Variants in KMT5B observed in about 807,000 individuals in gnomAD.
The protein encoded by KMT5B is lysine methyltransferase 5B, also known as histone-lysine N-methyltransferase KMT5B.
KMT5B carries 10 observed loss-of-function variants against 83.2 expected under a neutral mutation model. The ratio of observed to expected loss-of-function variants is 0.12; its 90% confidence interval spans 0.07 to 0.20. The LOEUF (loss-of-function observed/expected upper bound fraction) is 0.20. KMT5B is among the 10% of genes least tolerant of loss of function. The pLI, the probability that KMT5B is intolerant of heterozygous loss-of-function variation, is 1.00. For synonymous variants in KMT5B, 349 were observed against 388.8 expected (o/e 0.90, Z 1.20); for missense variants, 753 against 1,067.2 (o/e 0.71, Z 4.10).
At chr11:68,207,140 G>C (rs1403459855) in intron 1 of KMT5B, among the ~76,000 whole-genome samples, 1 of 151,836 alleles carries the variant, frequency 6.6e-6, no homozygotes. Flanking sequence ...TGTGAACCTG[G>C]GAGGCGGAGC....
intron 1 of KMT5B, among the ~76,000 whole-genome samples, chr11:68,204,967 A>C (rs1338378627): frequency 6.6e-6 from 1 of 152,172 alleles, no homozygotes. Flanking sequence ...TACAGTGACC[A>C]CATAACAGAG....
At position 68,175,071 on chromosome 11, in the gene KMT5B, G is replaced by A. The variant is rs749226494; in HGVS notation, c.490C>T (p.Arg164Trp). The change falls in exon 5 of 11, where the codon CGG (arginine) becomes TGG (tryptophan). Residue 164 changes from arginine to tryptophan, a missense_variant. By Grantham distance (101) the Arg-to-Trp change is moderately radical (BLOSUM62 -3). This residue lies in a region of KMT5B where 71 missense variants were observed against 107.0 expected (regional missense o/e 0.66). Coordinates refer to ENST00000304363, the MANE Select transcript of KMT5B (RefSeq NM_017635.5). Reference sequence around the variant, plus strand: ...TTATTCTTGTTGAGAAAATAGTGCCGTGCCCATTCGCCTGAAGTCAAACAT... The same window carrying A: ...TTATTCTTGTTGAGAAAATAGTGCCATGCCCATTCGCCTGAAGTCAAACAT... Reference protein sequence around the residue: ...FKCLTSGEWARHYFLNKNKMQ... With the variant: ...FKCLTSGEWAWHYFLNKNKMQ... 6.2e-7 allele frequency: 1 copy of A among 1,613,718 alleles called. No individual in the cohort carries two copies. Among genetic ancestry groups the A allele is most frequent in the Non-Finnish European group, 8.5e-7 (1 of 1,179,856 alleles).
At chr11:68,208,915 C>T (rs1860515679) in intron 1 of KMT5B, among the ~76,000 whole-genome samples, 1 of 152,096 alleles carries the variant, frequency 6.6e-6, no homozygotes, top group South Asian at 2.1e-4. Flanking sequence ...TTATATGCAC[C>T]AAACAAATAT....
At position 68,156,592 on chromosome 11, in the gene KMT5B, A is replaced by T. The variant is rs1859313290; in HGVS notation, c.*1096T>A. 1 of 152,650 alleles carries T rather than the reference A, an allele frequency of 6.6e-6. No individual in the cohort carries two copies. The highest frequency in any genetic ancestry group is 2.4e-5 in the African/African-American group (1 of 41,468). The allele number at this position is 152,650 out of a possible 1,614,324, so 9.5% of individuals were successfully genotyped here. A position where few individuals can be genotyped will look rare whatever the true frequency, so the allele number is the denominator to read the frequency against. On this transcript the variant is annotated 3_prime_UTR_variant, in exon 11 of 11. Coordinates refer to ENST00000304363, the MANE Select transcript of KMT5B (RefSeq NM_017635.5). ...TATTGGCATGAATATTTCTAAACTT[A>T]AAAACCTTCCTGGTAAGTTCTTTTA...
chr11:68,178,031 A>C (rs1338371020), intron 4 of KMT5B, among the ~76,000 whole-genome samples: 1 of 152,222 alleles, frequency 6.6e-6, no homozygotes, highest in Non-Finnish European at 1.5e-5. Context: ...TGAAATATGA[A>C]ATATGAAATG....
rs1361279169 is a variant in KMT5B at position 68,157,259 on chromosome 11, G to A, written c.*429C>T. The stretch of plus-strand genomic sequence containing the variant: ...CAAAAAGCCAAAGATCATTGCTGGT[G>A]ATATTAGCATACTAGAAACCCTTAA... On this transcript the variant is annotated 3_prime_UTR_variant, in exon 11 of 11. Transcript: ENST00000304363. 1 of 153,654 alleles carries A rather than the reference G, an allele frequency of 6.5e-6. No individual in the cohort carries two copies. The highest frequency in any genetic ancestry group is 1.5e-5 in the Non-Finnish European group (1 of 68,894). 9.5% of individuals were successfully genotyped at this position (153,654 alleles called of 1,614,324 possible). A position where few individuals can be genotyped will look rare whatever the true frequency, so the allele number is the denominator to read the frequency against.
intron 1 of KMT5B, among the ~76,000 whole-genome samples, chr11:68,192,851 T>G (rs896509608): frequency 1.3e-5 from 2 of 152,246 alleles, no homozygotes; most frequent in Non-Finnish European, 2.9e-5. Flanking sequence ...CATCTGGAAA[T>G]GTCTACCTTA....
chr11:68,157,831 C>T lies in KMT5B; in HGVS notation c.2515G>A (p.Asp839Asn). The change falls in exon 11 of 11, where the codon GAT becomes AAT. Residue 839 changes from aspartate (D) to asparagine (N), a missense_variant. Physicochemically the swap from Asp to Asn is conservative, Grantham distance 23. Around this residue, in one of 9 missense-constraint regions of KMT5B, gnomAD observed 161 missense variants for 195.1 expected, o/e 0.83. Coordinates refer to ENST00000304363, the MANE Select transcript of KMT5B (RefSeq NM_017635.5). ...SSSSEGDEEE[D>N]DYDDDFEDDF... ...TCTTCAAAGTCATCATCATAGTCAT[C>T]CTCCTCTTCATCGCCCTCAGAAGAG... 6.2e-7 allele frequency: 1 copy of T among 1,614,180 alleles called. No homozygotes were observed. The highest frequency in any genetic ancestry group is 8.5e-7 in the Non-Finnish European group (1 of 1,180,022).
At chr11:68,179,033 C>G (rs1469595218) in intron 4 of KMT5B, among the ~76,000 whole-genome samples, 1 of 152,208 alleles carries the variant, frequency 6.6e-6, no homozygotes, top group African/African-American at 2.4e-5. Context: ...GGGATTTACC[C>G]TGGCCTTTCT....
rs1856722190 is a variant in KMT5B at position 68,179,627 on chromosome 11, G to A, written c.377+505C>T. On this transcript the variant is annotated intron_variant, in intron 4 of 10. Transcript: ENST00000304363. ...ACAATCAAGAGCTGACTGGAGGGGT[G>A]GGGAACAGGAAGGGGAACAGAAAAA... is the stretch of plus-strand genomic sequence containing the variant. 15 of 1,254,860 alleles carry A rather than the reference G, an allele frequency of 1.2e-5. 1 individual carries two copies. The South Asian group carries it at 1.9e-4, about 16-fold the overall frequency. 77.7% of individuals were successfully genotyped at this position (1,254,860 alleles called of 1,614,324 possible).
At chr11:68,206,835 A>G (rs1243296423) in intron 1 of KMT5B, among the ~76,000 whole-genome samples, 3 of 152,354 alleles carry the variant, frequency 2.0e-5, no homozygotes, top group South Asian at 2.1e-4. Flanking sequence ...CATTTAAAAA[A>G]GAACAAATGT....
At position 68,157,424 on chromosome 11, in the gene KMT5B, A is replaced by G. The variant is rs748996859; in HGVS notation, c.*264T>C. ...TGTGGAAAGTTGCTATCACTGTACA[A>G]TTTTGCTTGAGCCTTTATTTTACAA... is the stretch of plus-strand genomic sequence containing the variant. On this transcript the variant is annotated 3_prime_UTR_variant, in exon 11 of 11. Transcript: ENST00000304363. 26 of 320,950 alleles carry G rather than the reference A, an allele frequency of 8.1e-5. No individual in the cohort carries two copies. The highest frequency in any genetic ancestry group is 9.4e-4 in the Middle Eastern group (1 of 1,060). The allele number at this position is 320,950 out of a possible 1,614,324, so 19.9% of individuals were successfully genotyped here.
chr11:68,200,913 T>C (rs761554159), intron 1 of KMT5B, among the ~76,000 whole-genome samples: 12 of 152,136 alleles, frequency 7.9e-5, no homozygotes, highest in Non-Finnish European at 2.9e-5. Flanking sequence ...TACCCAGCAC[T>C]GAAATCAACA....
chr11:68,211,153 A>C (rs1169065725), intron 1 of KMT5B, among the ~76,000 whole-genome samples: 3 of 152,048 alleles, frequency 2.0e-5, no homozygotes, highest in African/African-American at 7.2e-5. Flanking sequence ...AATCACCAAC[A>C]TCCCCCACCC....
At chr11:68,205,920 A>G (rs1229919694) in intron 1 of KMT5B, among the ~76,000 whole-genome samples, 1 of 152,132 alleles carries the variant, frequency 6.6e-6, no homozygotes, top group African/African-American at 2.4e-5. Context: ...GCGCCCGGCC[A>G]GACGTTCGCA....
At chr11:68,189,230 T>C (rs1857776314) in intron 2 of KMT5B, among the ~76,000 whole-genome samples, 1 of 152,246 alleles carries the variant, frequency 6.6e-6, no homozygotes, top group Admixed American at 6.5e-5. Context: ...CGTTTGGACA[T>C]ATAGCTGCCT....
chr11:68,208,485 A>G (rs1000430769), intron 1 of KMT5B, among the ~76,000 whole-genome samples: 4 of 151,980 alleles, frequency 2.6e-5, no homozygotes, highest in Non-Finnish European at 5.9e-5. Flanking sequence ...ACTGTGCCCC[A>G]TATTTGAAGA....
At chr11:68,199,052 T>C (rs1466472657) in intron 1 of KMT5B, among the ~76,000 whole-genome samples, 1 of 152,170 alleles carries the variant, frequency 6.6e-6, no homozygotes, top group Admixed American at 6.5e-5. Context: ...TCTTAAATGG[T>C]GTATTAGCTT....
chr11:68,161,680 T>G (rs1299286594), intron 10 of KMT5B, among the ~76,000 whole-genome samples: 1 of 152,196 alleles, frequency 6.6e-6, no homozygotes, highest in East Asian at 1.9e-4. Context: ...CACTTTTTCT[T>G]GAGAAAACCT....
Sources: allele counts gnomAD v4.1 joint callset (sites outside exome capture counted in the v4.1 genomes callset), GRCh38; gene constraint gnomAD v4.1.1; regional missense constraint gnomAD v4.1.1; transcripts MANE v1.5; gene names NCBI Gene and HGNC (gene_info 2026-07-23, HGNC 2026-07-21).